Variants in STARD9 observed in about 807,000 individuals in gnomAD.
STARD9 encodes StAR related lipid transfer domain containing 9.
STARD9 carries 346 observed loss-of-function variants against 399.8 expected under a neutral mutation model. The ratio of observed to expected loss-of-function variants is 0.87; its 90% CI spans 0.79 to 0.95. The LOEUF is 0.95. Among genes scored for constraint, STARD9 ranks in the 40% least tolerant of loss-of-function variants. The probability of loss-of-function intolerance (pLI) is 0.00; values close to 1 mark genes in which losing one functional copy is unlikely to be tolerated. For synonymous variants in STARD9, 2,203 were observed against 2,143.5 expected (o/e 1.03, Z -0.77); for missense variants, 5,832 against 5,667.5 (o/e 1.03, Z -0.93).
In STARD9 at chr15:42,717,725, C is replaced by A. The variant is rs748516462; in HGVS notation, c.13495-6C>A. 6.5e-7 allele frequency: 1 copy of A among 1,536,962 alleles called. No homozygotes were observed. On this transcript the variant is annotated splice_polypyrimidine_tract_variant and splice_region_variant and intron_variant, in intron 28 of 32. Coordinates refer to ENST00000290607, the MANE Select transcript of STARD9 (RefSeq NM_020759.3). Reference sequence around the variant, plus strand: ...CCTAATTTGGGTGTGGCCATTGTGTCCCCAGGTAATGGCTGCTTGTTCGGA... The same window carrying A: ...CCTAATTTGGGTGTGGCCATTGTGTACCCAGGTAATGGCTGCTTGTTCGGA...
chr15:42,674,488 A>G lies in STARD9; in HGVS notation c.1546A>G (p.Ile516Val), dbSNP rs1468740825. 6.5e-7 allele frequency: 1 copy of G among 1,537,002 alleles called. No individual in the cohort carries two copies. The highest frequency in any genetic ancestry group is 1.4e-5 in the African/African-American group (1 of 73,054). Residue 516 changes from isoleucine (I) to valine (V), a missense_variant, in exon 17 of 33, where the codon ATT becomes GTT. Around this residue, in one of 2 missense-constraint regions of STARD9, gnomAD observed 5,828 missense variants for 5,651.1 expected, o/e 1.03. Transcript: ENST00000290607. ...GATTGACTCAGACCAGGAACAGGAC[A>G]TTGGTAAGTGGCAGAGTATATGAGT... ...GRIDSDQEQD[I>V]VLQGQWIERD... is the part of the protein sequence containing the mutation.
At chr15:42,652,403 T>C in intron 8 of STARD9, 117 bp from the exon 9 acceptor site, 1 of 854,568 alleles carries the variant, frequency 1.2e-6, no homozygotes, top group Non-Finnish European at 1.9e-6. Context: ...ATATGTGTGT[T>C]TTATGATTCT....
chr15:42,656,642 C>T (rs544439693), intron 9 of STARD9, among the ~76,000 whole-genome samples: 40 of 152,210 alleles, frequency 2.6e-4, no homozygotes, highest in African/African-American at 9.6e-4. Flanking sequence ...ATACATTCAG[C>T]CGTGAAAAGG....
At chr15:42,666,270 AT>A (rs1195290044) in intron 15 of STARD9, among the ~76,000 whole-genome samples, 4 of 152,194 alleles carry the variant, frequency 2.6e-5, no homozygotes, top group Non-Finnish European at 5.9e-5. Flanking sequence ...GAACCATGTG[AT>A]TTAGCTGAAA....
rs567028001 is a variant in STARD9 at position 42,715,417 on chromosome 15, C to T, written c.13285-1260C>T. 5.1e-4 allele frequency among the ~76,000 whole-genome samples: 77 copies of T among 152,124 alleles called. No individual in the cohort carries two copies. The South Asian group carries it at 0.014, about 27-fold the overall frequency. ...GAGAGAAGCCGGGCACAGGGGCTCA[C>T]GCCTGTAATCCCAAAACTTTGGGAG... is the stretch of plus-strand genomic sequence containing the variant. On this transcript the variant is annotated intron_variant, in intron 26 of 32. Transcript: ENST00000290607.
chr15:42,691,847 C>T lies in STARD9; in HGVS notation c.10269C>T (p.Thr3423=), dbSNP rs922733957. ...ACATGCCAACCCCTGATTTCACGAC[C>T]AGCTGGATGTCTGGTACTTTGGAAC... The part of the protein sequence containing the change: ...LSHMPTPDFT[T]SWMSGTLEQA... The change falls in exon 23 of 33, where the codon ACC becomes ACT. Residue 3423 remains threonine (T), a synonymous_variant. Transcript: ENST00000290607. The T allele has an allele frequency of 2.0e-6, 3 of 1,537,288 alleles. No individual in the cohort carries two copies. The highest frequency in any genetic ancestry group is 2.6e-6 in the Non-Finnish European group (3 of 1,146,916).
chr15:42,610,315 A>G (rs1270535824), intron 3 of STARD9, among the ~76,000 whole-genome samples: 1 of 152,072 alleles, frequency 6.6e-6, no homozygotes, highest in East Asian at 1.9e-4. Flanking sequence ...TAGCAGAAAT[A>G]ATGTCTGAGC....
chr15:42,581,436 G>A (rs2058167494), intron 1 of STARD9: 4 of 1,527,504 alleles, frequency 2.6e-6, no homozygotes, highest in Non-Finnish European at 3.6e-6. Context: ...GGTGTGGGTG[G>A]GGAAGGCGCG....
chr15:42,669,397 A>G (rs1366734263), intron 16 of STARD9, 60 bp downstream of exon 16: 1 of 1,393,082 alleles, frequency 7.2e-7, no homozygotes, highest in Non-Finnish European at 9.6e-7. Flanking sequence ...TCAAGGAGGG[A>G]AAAGCTAGGA....
At chr15:42,699,392 C>CTTTTCTTTTTTTTTTTTTTTTTTTTTTTT (rs1359323091) in intron 26 of STARD9, among the ~76,000 whole-genome samples, 2 of 113,294 alleles carry the variant, frequency 1.8e-5, no homozygotes, top group African/African-American at 8.1e-5. Flanking sequence ...TTTTTCTTTT[C>CTTTTCTTTTTTTTTTTTTTTTTTTTTTTT]TTTTTTTTTT....
chr15:42,632,923 A>G (rs2141907179), intron 3 of STARD9, among the ~76,000 whole-genome samples: 1 of 152,292 alleles, frequency 6.6e-6, no homozygotes, highest in Middle Eastern at 3.4e-3. Context: ...TACGTGGATC[A>G]CTTGAGTCCA....
intron 1 of STARD9, 39 bp downstream of exon 1, chr15:42,575,801 G>T: frequency 2.0e-6 from 3 of 1,530,938 alleles, no homozygotes; most frequent in Non-Finnish European, 2.6e-6. Flanking sequence ...GGCTTCACAG[G>T]AGCTGAAAAG....
intron 27 of STARD9, 71 bp downstream of exon 27, chr15:42,716,835 T>A (rs1022927735): frequency 6.6e-7 from 1 of 1,524,148 alleles, no homozygotes; most frequent in Non-Finnish European, 8.8e-7. Context: ...GGCTGCTAGA[T>A]CTTAGTGAGT....
At position 42,661,228 on chromosome 15, in the gene STARD9, A is replaced by T. The variant is rs969505093; in HGVS notation, c.770+3A>T. 6.5e-7 allele frequency: 1 copy of T among 1,532,948 alleles called. No homozygotes were observed. Among genetic ancestry groups the T allele is most frequent in the Non-Finnish European group, 8.7e-7 (1 of 1,143,084 alleles). The allele number at this position is 1,532,948 out of a possible 1,614,324, so 95.0% of individuals were successfully genotyped here. On this transcript the variant is annotated splice_donor_region_variant and intron_variant, in intron 10 of 32. Coordinates refer to ENST00000290607, the MANE Select transcript of STARD9 (RefSeq NM_020759.3). ...AACCTTGTGGACCTAGCAGGCAGGT[A>T]ATTAGGATTTTAAAGCTAAGGGGAA...
chr15:42,664,789 AACACACACACACACACAC>A (rs55773330), intron 13 of STARD9, among the ~76,000 whole-genome samples: 4 of 144,824 alleles, frequency 2.8e-5, no homozygotes, highest in East Asian at 2.0e-4. Flanking sequence ...TTTATCCTTT[AACACACACACACACACAC>A]ACACACACAC....
intron 22 of STARD9, among the ~76,000 whole-genome samples, chr15:42,683,582 A>G (rs2060480675): frequency 6.6e-6 from 1 of 152,142 alleles, no homozygotes; most frequent in African/African-American, 2.4e-5. Flanking sequence ...AACTATTTAC[A>G]GTTTTCTTTT....
chr15:42,697,403 CT>C (rs1261738445), intron 26 of STARD9, among the ~76,000 whole-genome samples: 1 of 152,138 alleles, frequency 6.6e-6, no homozygotes, highest in African/African-American at 2.4e-5. Flanking sequence ...GCCTGGCCTT[CT>C]TTTTAACAGC....
intron 9 of STARD9, 75 bp from the exon 10 acceptor site, chr15:42,661,083 T>C: frequency 9.0e-7 from 1 of 1,111,822 alleles, no homozygotes; most frequent in Non-Finnish European, 1.3e-6. Flanking sequence ...AAATATCACC[T>C]TGGTTAGAAG....
At chr15:42,656,070 A>G (rs555826300) in intron 9 of STARD9, among the ~76,000 whole-genome samples, 40 of 152,176 alleles carry the variant, frequency 2.6e-4, no homozygotes, top group African/African-American at 9.6e-4. Context: ...AAAAATCCAA[A>G]AAGAGGCTGG....
Sources: allele counts gnomAD v4.1 joint callset (sites outside exome capture counted in the v4.1 genomes callset), GRCh38; gene constraint gnomAD v4.1.1; regional missense constraint gnomAD v4.1.1; transcripts MANE v1.5; gene names NCBI Gene and HGNC (gene_info 2026-07-23, HGNC 2026-07-21).